The following BCL11B variants were observed in gnomAD, a reference collection of about 807,000 sequenced individuals.
BCL11B encodes BCL11 transcription factor B, also known as B-cell lymphoma/leukemia 11B.
A neutral mutation model predicts 49.9 loss-of-function variants in BCL11B; 8 were observed. The observed-to-expected ratio is 0.16, with a 90% CI of 0.09 to 0.29. The LOEUF is 0.29. Ranked by LOEUF, BCL11B falls within the 10% of genes least tolerant of loss-of-function variation. The probability of loss-of-function intolerance (pLI) is 1.00; values close to 1 mark genes in which losing one functional copy is unlikely to be tolerated. For synonymous variants in BCL11B, 739 were observed against 637.4 expected (o/e 1.16, Z -2.40); for missense variants, 1,006 against 1,351.0 (o/e 0.74, Z 4.00).
chr14:99,261,606 C>A (rs899127930), intron 1 of BCL11B, among the ~76,000 whole-genome samples: 1 of 152,146 alleles, frequency 6.6e-6, no homozygotes. Context: ...CCAGCAAACT[C>A]GGGCCTTAAA....
At chr14:99,260,897 T>A (rs1595082977) in intron 1 of BCL11B, among the ~76,000 whole-genome samples, 1 of 151,866 alleles carries the variant, frequency 6.6e-6, no homozygotes, top group Non-Finnish European at 1.5e-5. Context: ...AGGGCTCAGT[T>A]CTGAGCTGGG....
chr14:99,247,069 G>T lies in BCL11B; in HGVS notation c.427+10402C>A, dbSNP rs1300905141. Among the ~76,000 whole-genome samples, 2 of 152,166 alleles carry T rather than the reference G, an allele frequency of 1.3e-5. No individual in the cohort carries two copies. Among genetic ancestry groups the T allele is most frequent in the Admixed American group, 1.3e-4 (2 of 15,276 alleles). The stretch of plus-strand genomic sequence containing the variant: ...GCTGTTTTCAGCGTTCCAGACCACA[G>T]CGCTGCAGTCTACGCTGCCCTGACG... On this transcript the variant is annotated intron_variant, in intron 2 of 3. Coordinates refer to ENST00000357195, the MANE Select transcript of BCL11B (RefSeq NM_138576.4). This position sits in a 1 kb window ranked among gnomAD's most constrained non-coding sequence, Gnocchi z 4.5.
intron 3 of BCL11B, among the ~76,000 whole-genome samples, chr14:99,190,018 C>T (rs1886975573): frequency 6.6e-6 from 1 of 152,188 alleles, no homozygotes; most frequent in Non-Finnish European, 1.5e-5. Context: ...TCAAGGCACT[C>T]CAAGAAGCCC....
intron 3 of BCL11B, among the ~76,000 whole-genome samples, chr14:99,201,514 C>T (rs561702446): frequency 3.9e-5 from 6 of 152,250 alleles, no homozygotes; most frequent in South Asian, 2.1e-4. Flanking sequence ...CAGCCAGAAG[C>T]CCCCACCTCC....
rs1887089608 is a variant in BCL11B at position 99,193,281 on chromosome 14, G to T, written c.641-17086C>A. On this transcript the variant is annotated intron_variant, in intron 3 of 3. Transcript: ENST00000357195. ...ATTATGTTTTCAACTAATCAGAAAG[G>T]CCCCGCTAATACACAATTAACATGT... Among the ~76,000 whole-genome samples the T allele has an allele frequency of 2.0e-5, 3 of 152,194 alleles. No homozygotes were observed. In the South Asian group the frequency reaches 6.2e-4, roughly 32 times the overall value.
intron 3 of BCL11B, among the ~76,000 whole-genome samples, chr14:99,229,197 A>C (rs1256906269): frequency 1.3e-5 from 2 of 152,172 alleles, no homozygotes; most frequent in African/African-American, 4.8e-5. Context: ...AACATCTCTG[A>C]ACATCATTTT....
At position 99,271,468 on chromosome 14, in the gene BCL11B, G is replaced by A. The variant is rs1319027266; in HGVS notation, c.-250C>T. The A allele has an allele frequency of 4.3e-6, 1 of 233,754 alleles. No homozygotes were observed. Among genetic ancestry groups the A allele is most frequent in the African/African-American group, 2.3e-5 (1 of 44,328 alleles). 14.5% of individuals were successfully genotyped at this position (233,754 alleles called of 1,614,324 possible). ...TTTTGTTTGCAAAAAGAAAAAAAAG[G>A]GAAGAAAAGCAAGAAAAACCTCTCG... On this transcript the variant is annotated 5_prime_UTR_variant, in exon 1 of 4. Coordinates refer to ENST00000357195, the MANE Select transcript of BCL11B (RefSeq NM_138576.4).
In BCL11B at chr14:99,173,877, T is replaced by C. The variant is rs1488767797; in HGVS notation, c.*274A>G. 4.4e-6 allele frequency: 2 copies of C among 452,794 alleles called. No individual in the cohort carries two copies. Among genetic ancestry groups the C allele is most frequent in the African/African-American group, 2.0e-5 (1 of 49,886 alleles). 28.0% of individuals were successfully genotyped at this position (452,794 alleles called of 1,614,324 possible). ...GGAATTCAAACAGAAAAAATAATAATAAAAAGTACCTGCACATGCCAAAAA... is the reference window on the plus strand; with the variant it reads ...GGAATTCAAACAGAAAAAATAATAACAAAAAGTACCTGCACATGCCAAAAA... On this transcript the variant is annotated 3_prime_UTR_variant, in exon 4 of 4. Coordinates refer to ENST00000357195, the MANE Select transcript of BCL11B (RefSeq NM_138576.4).
intron 3 of BCL11B, among the ~76,000 whole-genome samples, chr14:99,187,709 G>A (rs1886895810): frequency 6.6e-6 from 1 of 151,714 alleles, no homozygotes; most frequent in East Asian, 1.9e-4. Context: ...TGTGAGCGGG[G>A]ATCAGTGTGT....
intron 3 of BCL11B, among the ~76,000 whole-genome samples, chr14:99,226,315 G>A (rs754400802): frequency 7.2e-5 from 11 of 152,198 alleles, no homozygotes; most frequent in African/African-American, 1.2e-4. Context: ...ACCTTCCCAC[G>A]ACGGAGCTCT....
chr14:99,198,200 T>C (rs1395295439), intron 3 of BCL11B, among the ~76,000 whole-genome samples: 1 of 152,262 alleles, frequency 6.6e-6, no homozygotes, highest in Non-Finnish European at 1.5e-5. Flanking sequence ...TGTCTGATTT[T>C]CAAGGAAACT....
intron 3 of BCL11B, among the ~76,000 whole-genome samples, chr14:99,227,147 A>G (rs1888182282): frequency 6.6e-6 from 1 of 152,208 alleles, no homozygotes; most frequent in African/African-American, 2.4e-5. Flanking sequence ...AAGCTGGTAC[A>G]TGATCTGAGC....
Position 99,173,338 on chromosome 14 carries a change from ATC to A in BCL11B, c.*811_*812del. 4.6e-6 allele frequency: 1 copy of A among 218,932 alleles called. No individual in the cohort carries two copies. Among genetic ancestry groups the A allele is most frequent in the Non-Finnish European group, 9.2e-6 (1 of 108,940 alleles). The allele number at this position is 218,932 out of a possible 1,614,324, so 13.6% of individuals were successfully genotyped here. A position where few individuals can be genotyped will look rare whatever the true frequency, so the allele number is the denominator to read the frequency against. On this transcript the variant is annotated 3_prime_UTR_variant, in exon 4 of 4. Transcript: ENST00000357195. Reference sequence around the variant, plus strand: ...CCCAGAGGAGCCCTCCAAAAACCCTATCTCTGGCGGCGCTGAGTCTGTGGGGT... The same window carrying A: ...CCCAGAGGAGCCCTCCAAAAACCCTATCTGGCGGCGCTGAGTCTGTGGGGT...
chr14:99,260,552 T>C (rs1889306331), intron 1 of BCL11B, among the ~76,000 whole-genome samples: 1 of 152,202 alleles, frequency 6.6e-6, no homozygotes, highest in East Asian at 1.9e-4. Flanking sequence ...ATTTAAAAAT[T>C]AGCAGAGGTC....
chr14:99,253,233 C>T (rs549745337), intron 2 of BCL11B, among the ~76,000 whole-genome samples: 3 of 152,214 alleles, frequency 2.0e-5, no homozygotes, highest in African/African-American at 4.8e-5. Context: ...TGAAACCCCC[C>T]GCCGGCTCCT....
At position 99,169,755 on chromosome 14, in the gene BCL11B, A is replaced by G. The variant is rs1315579467; in HGVS notation, c.*4396T>C. On this transcript the variant is annotated 3_prime_UTR_variant, in exon 4 of 4. Coordinates refer to ENST00000357195, the MANE Select transcript of BCL11B (RefSeq NM_138576.4). ...AAAATCACGGGTTTGCCTGTGTTCC[A>G]CGAGACCTTCGGCTGACGGTTACTT... 8.9e-6 allele frequency: 2 copies of G among 224,666 alleles called. No homozygotes were observed. Among genetic ancestry groups the G allele is most frequent in the Admixed American group, 5.7e-5 (1 of 17,522 alleles). 13.9% of individuals were successfully genotyped at this position (224,666 alleles called of 1,614,324 possible).
chr14:99,204,454 G>C (rs12885251), intron 3 of BCL11B, among the ~76,000 whole-genome samples: 8 of 152,022 alleles, frequency 5.3e-5, no homozygotes, highest in Admixed American at 2.6e-4. Context: ...CTTGGGGTAG[G>C]GGGGAGGGAG....
At chr14:99,246,400 G>A (rs532332363) in intron 2 of BCL11B, among the ~76,000 whole-genome samples, 2 of 152,360 alleles carry the variant, frequency 1.3e-5, no homozygotes, top group South Asian at 4.1e-4. Flanking sequence ...GAAGGAGGTG[G>A]ACGATGGGCG....
At chr14:99,266,815 T>C (rs1459663386) in intron 1 of BCL11B, among the ~76,000 whole-genome samples, 1 of 152,182 alleles carries the variant, frequency 6.6e-6, no homozygotes, top group African/African-American at 2.4e-5. Flanking sequence ...TGAAAGTTTA[T>C]TTTGGAAAGT....
Sources: gnomAD v4.1 joint callset for allele counts (sites outside exome capture counted in the v4.1 genomes callset) on GRCh38, gnomAD v4.1.1 for gene constraint, Gnocchi (gnomAD v3.1) non-coding constraint, MANE v1.5 for transcripts, NCBI Gene and HGNC (gene_info 2026-07-23, HGNC 2026-07-21) for gene names.